Variants in CENPO observed in about 807,000 individuals in gnomAD.
CENPO encodes centromeric protein O.
A neutral mutation model predicts 36.1 loss-of-function variants in CENPO; 30 were observed. The ratio of observed to expected loss-of-function variants is 0.83; its 90% CI spans 0.62 to 1.13. The LOEUF (loss-of-function observed/expected upper bound fraction) is 1.13. CENPO is among the 50% of genes most tolerant of loss of function. The pLI is 0.00. For synonymous variants in CENPO, 171 were observed against 142.3 expected (o/e 1.20, Z -1.44); for missense variants, 349 against 357.8 (o/e 0.98, Z 0.20).
chr2:24,803,406 T>C (rs1666243237), intron 3 of CENPO, among the ~76,000 whole-genome samples: 1 of 152,206 alleles, frequency 6.6e-6, no homozygotes, highest in Admixed American at 6.5e-5. Context: ...CTCTAGTTCT[T>C]TTAATTGTGA....
Position 24,820,523 on chromosome 2 carries a change from A to G in CENPO, c.*1205A>G, listed in dbSNP as rs1181906190. On this transcript the variant is annotated 3_prime_UTR_variant, in exon 8 of 8. Transcript: ENST00000380834. Reference sequence around the variant, plus strand: ...CCATATGCATCTAGAACTTCAGCCCAGATTTTGTGGATGGGTGGAAGTGTT... The same window carrying G: ...CCATATGCATCTAGAACTTCAGCCCGGATTTTGTGGATGGGTGGAAGTGTT... The G allele has an allele frequency of 3.5e-6, 5 of 1,409,920 alleles. No individual in the cohort carries two copies. Among genetic ancestry groups the G allele is most frequent in the African/African-American group, 2.9e-5 (2 of 68,972 alleles). 87.3% of individuals were successfully genotyped at this position (1,409,920 alleles called of 1,614,324 possible).
chr2:24,794,115 C>A, intron 2 of CENPO, 150 bp downstream of exon 2: 2 of 701,734 alleles, frequency 2.9e-6, no homozygotes, highest in Non-Finnish European at 5.1e-6. Flanking sequence ...AAGGGACAGG[C>A]AGCCAAGATT....
chr2:24,807,689 A>G (rs186168171), intron 3 of CENPO, among the ~76,000 whole-genome samples: 17 of 152,328 alleles, frequency 1.1e-4, no homozygotes, highest in Admixed American at 2.6e-4. Context: ...TAGGATATGC[A>G]TGTTAGGTTT....
In CENPO at chr2:24,797,775, C is replaced by T. The variant is rs532149594; in HGVS notation, c.47-1900C>T. Among the ~76,000 whole-genome samples, 3 of 152,236 alleles carry T rather than the reference C, an allele frequency of 2.0e-5. No homozygotes were observed. In the South Asian group the frequency reaches 6.2e-4, roughly 32 times the overall value. On this transcript the variant is annotated intron_variant, in intron 2 of 7. Transcript: ENST00000380834. ...TCGTGAAGGTGGTGATCAGTAGGAG[C>T]ATATAGTGCTGGGAGGTGAGATAAG...
chr2:24,820,181 C>G lies in CENPO; in HGVS notation c.*863C>G. The G allele has an allele frequency of 8.9e-7, 1 of 1,122,472 alleles. No homozygotes were observed. Among genetic ancestry groups the G allele is most frequent in the Non-Finnish European group, 1.2e-6 (1 of 800,086 alleles). 69.5% of individuals were successfully genotyped at this position (1,122,472 alleles called of 1,614,324 possible). ...AGCCTAGACTGAGGGCGGGTGGGGG[C>G]TTTGGGTGGTTGGAGCCGAGCACTG... is the stretch of plus-strand genomic sequence containing the variant. On this transcript the variant is annotated 3_prime_UTR_variant, in exon 8 of 8. Coordinates refer to ENST00000380834, the MANE Select transcript of CENPO (RefSeq NM_001322101.2).
In CENPO at chr2:24,820,943, C is replaced by T. The variant is rs1338514050; in HGVS notation, c.*1625C>T. ...CTCTCCAGACCTGTACCACAAAGCT[C>T]CTAATGTAACACATCATTGTCCTCA... On this transcript the variant is annotated 3_prime_UTR_variant, in exon 8 of 8. Coordinates refer to ENST00000380834, the MANE Select transcript of CENPO (RefSeq NM_001322101.2). 1.3e-6 allele frequency: 2 copies of T among 1,507,344 alleles called. No homozygotes were observed. The highest frequency in any genetic ancestry group is 1.8e-6 in the Non-Finnish European group (2 of 1,111,650). 93.4% of individuals were successfully genotyped at this position (1,507,344 alleles called of 1,614,324 possible).
At chr2:24,807,428 T>C (rs981514365) in intron 3 of CENPO, among the ~76,000 whole-genome samples, 9 of 152,244 alleles carry the variant, frequency 5.9e-5, no homozygotes, top group Admixed American at 5.2e-4. Context: ...TTGCTGAATG[T>C]TCTGACTGTG....
chr2:24,807,520 T>G (rs1666475269), intron 3 of CENPO, among the ~76,000 whole-genome samples: 1 of 152,216 alleles, frequency 6.6e-6, no homozygotes, highest in South Asian at 2.1e-4. Flanking sequence ...ACTACATTTA[T>G]TTACCCATTC....
At chr2:24,810,160 A>G (rs748788824) in intron 3 of CENPO, among the ~76,000 whole-genome samples, 5 of 151,404 alleles carry the variant, frequency 3.3e-5, no homozygotes, top group Non-Finnish European at 7.4e-5. Context: ...TTCCCCTTTT[A>G]TTCTATGTTT....
intron 3 of CENPO, 97 bp downstream of exon 3, chr2:24,799,941 C>T: frequency 1.9e-5 from 25 of 1,334,124 alleles, no homozygotes; most frequent in Non-Finnish European, 2.6e-5. Context: ...ATGTGTTTTA[C>T]TTGTGATCTT....
intron 3 of CENPO, among the ~76,000 whole-genome samples, chr2:24,809,470 A>T (rs1572736030): frequency 6.6e-6 from 1 of 151,614 alleles, no homozygotes; most frequent in Non-Finnish European, 1.5e-5. Context: ...AAAGTTAAAA[A>T]TTTTCCCTCT....
At chr2:24,800,808 G>A (rs1666126994) in intron 3 of CENPO, among the ~76,000 whole-genome samples, 1 of 152,256 alleles carries the variant, frequency 6.6e-6, no homozygotes, top group African/African-American at 2.4e-5. Context: ...TGTCTTTATA[G>A]CAGCATGTTT....
Position 24,822,346 on chromosome 2 carries a change from CT to C in CENPO, c.*3031del. ...CTGTTCTGTTTCTCTGCTTGCCGAA[CT>C]TTCTCAATAAACCCTATTTCTTATT... is the stretch of plus-strand genomic sequence containing the variant. On this transcript the variant is annotated 3_prime_UTR_variant, in exon 8 of 8. Coordinates refer to ENST00000380834, the MANE Select transcript of CENPO (RefSeq NM_001322101.2). 1 of 1,024,150 alleles carries C rather than the reference CT, an allele frequency of 9.8e-7. No individual in the cohort carries two copies. The highest frequency in any genetic ancestry group is 1.6e-5 in the South Asian group (1 of 62,448). The allele number at this position is 1,024,150 out of a possible 1,614,324, so 63.4% of individuals were successfully genotyped here. A position where few individuals can be genotyped will look rare whatever the true frequency, so the allele number is the denominator to read the frequency against.
intron 3 of CENPO, among the ~76,000 whole-genome samples, chr2:24,801,684 A>G (rs1338869951): frequency 6.6e-6 from 1 of 152,108 alleles, no homozygotes; most frequent in African/African-American, 2.4e-5. Flanking sequence ...CCATTGGTCT[A>G]TATCTCTGTT....
intron 3 of CENPO, among the ~76,000 whole-genome samples, chr2:24,809,854 A>G (rs1666596400): frequency 6.6e-6 from 1 of 152,134 alleles, no homozygotes; most frequent in African/African-American, 2.4e-5. Context: ...ACATATATCA[A>G]ATAGGCCTAG....
intron 3 of CENPO, among the ~76,000 whole-genome samples, chr2:24,811,669 G>A (rs1666697842): frequency 6.6e-6 from 1 of 152,122 alleles, no homozygotes; most frequent in South Asian, 2.1e-4. Context: ...TACCACGTTA[G>A]CCAGGATGGT....
chr2:24,820,336 A>C lies in CENPO; in HGVS notation c.*1018A>C. Reference sequence around the variant, plus strand: ...GCTGGGGGCCTCCTCTCATCCAGAGACTTCTCTCCTAGGATGGCCATGGTC... The same window carrying C: ...GCTGGGGGCCTCCTCTCATCCAGAGCCTTCTCTCCTAGGATGGCCATGGTC... On this transcript the variant is annotated 3_prime_UTR_variant, in exon 8 of 8. Coordinates refer to ENST00000380834, the MANE Select transcript of CENPO (RefSeq NM_001322101.2). 4 of 1,324,224 alleles carry C rather than the reference A, an allele frequency of 3.0e-6. No individual in the cohort carries two copies. Among genetic ancestry groups the C allele is most frequent in the Non-Finnish European group, 2.9e-6 (3 of 1,039,632 alleles). 82.0% of individuals were successfully genotyped at this position (1,324,224 alleles called of 1,614,324 possible).
At chr2:24,816,337 G>A (rs1666936704) in intron 5 of CENPO, 1 of 267,696 alleles carries the variant, frequency 3.7e-6, no homozygotes, top group Non-Finnish European at 7.0e-6. Flanking sequence ...AACTTAAATT[G>A]AAATGTGGAT....
rs887644568 is a variant in CENPO, at chr2:24,814,239, T to G, written c.217-137T>G. 4.4e-6 allele frequency: 3 copies of G among 676,814 alleles called. No homozygotes were observed. The African/African-American group carries it at 5.3e-5, about 12-fold the overall frequency. 41.9% of individuals were successfully genotyped at this position (676,814 alleles called of 1,614,324 possible). On this transcript the variant is annotated intron_variant, in intron 3 of 7. Transcript: ENST00000380834. The stretch of plus-strand genomic sequence containing the variant: ...TTCCTCTGCAGTGAATTCATAGCAA[T>G]AACTGACCGGCCACTGTAGCATTTC...
Sources: allele counts gnomAD v4.1 joint callset (sites outside exome capture counted in the v4.1 genomes callset), GRCh38; gene constraint gnomAD v4.1.1; transcripts MANE v1.5; gene names NCBI Gene and HGNC (gene_info 2026-07-23, HGNC 2026-07-21).